MEFV: variants seen among roughly 807,000 people sequenced by gnomAD.
MEFV encodes pyrin.
In MEFV, 60 loss-of-function variants were observed where a neutral mutation model predicts 62.5. The ratio of observed to expected loss-of-function variants is 0.96; its 90% CI spans 0.78 to 1.19. MEFV has a LOEUF of 1.19. Ranked by LOEUF, MEFV falls within the 50% of genes most tolerant of loss-of-function variation. The probability of loss-of-function intolerance (pLI) is 0.00; values close to 1 mark genes in which losing one functional copy is unlikely to be tolerated. For synonymous variants in MEFV, 500 were observed against 415.2 expected (o/e 1.20, Z -2.48); for missense variants, 1,169 against 1,004.5 (o/e 1.16, Z -2.21).
chr16:3,242,759 T>G lies in MEFV; in HGVS notation c.*382A>C, dbSNP rs1958875129. 1 of 307,568 alleles carries G rather than the reference T, an allele frequency of 3.3e-6. No individual in the cohort carries two copies. The highest frequency in any genetic ancestry group is 3.1e-5 in the South Asian group (1 of 32,290). 19.1% of individuals were successfully genotyped at this position (307,568 alleles called of 1,614,324 possible). On this transcript the variant is annotated 3_prime_UTR_variant, in exon 10 of 10. Transcript: ENST00000219596. The stretch of plus-strand genomic sequence containing the variant: ...CCAGTCTGCTTGCGTTTCTCTAGGC[T>G]TCCCATATCCTCAAGACAGAAGCAG...
rs750501997 is a variant in MEFV at position 3,254,553 on chromosome 16, T to TG, written c.514dup (p.Gln172ProfsTer70). On this transcript the variant is annotated frameshift_variant, in exon 2 of 10. Transcript: ENST00000219596. LOFTEE classifies it high-confidence loss of function. ...CGGGCTCCGGGTCCGAGGCTTGCCC[T>TG]GCGCGTCCAGGCCCTCCGAGGCCTT... The TG allele has an allele frequency of 1.3e-6, 2 of 1,559,722 alleles. No homozygotes were observed. The highest frequency in any genetic ancestry group is 2.3e-5 in the South Asian group (2 of 86,916).
In MEFV at chr16:3,247,196, C is replaced by T. The variant is rs757268432; in HGVS notation, c.1407G>A (p.Val469=). 13 of 1,614,072 alleles carry T rather than the reference C, an allele frequency of 8.1e-6. No homozygotes were observed. In the Admixed American group the frequency reaches 1.0e-4, roughly 12 times the overall value. Residue 469 remains valine (V), a synonymous_variant, in exon 5 of 10, where the codon GTG becomes GTA. Coordinates refer to ENST00000219596, the MANE Select transcript of MEFV (RefSeq NM_000243.3). ...KQRVQRKLEQ[V]YYFLEQQEHF... ...GCTCTTGCTGCTCCAGGAAGTAGTACACCTGCTCCAGCTTCCTCTGCACCC... is the reference window on the plus strand; with the variant it reads ...GCTCTTGCTGCTCCAGGAAGTAGTATACCTGCTCCAGCTTCCTCTGCACCC...
intron 1 of MEFV, among the ~76,000 whole-genome samples, chr16:3,255,693 G>A (rs570129056): frequency 6.6e-6 from 1 of 152,036 alleles, no homozygotes; most frequent in Non-Finnish European, 1.5e-5. Flanking sequence ...TTATAAGTGT[G>A]AGCCACCATG....
At chr16:3,245,394 C>T (rs170385) in intron 6 of MEFV, among the ~76,000 whole-genome samples, 88,547 of 151,434 alleles carry the variant, frequency 0.58, 26,121 homozygotes, top group South Asian at 0.73. Flanking sequence ...GCAATCCCAG[C>T]GCTTTGGGAG....
Position 3,254,964 on chromosome 16 carries a change from G to T in MEFV, c.278-174C>A, listed in dbSNP as rs941015059. Among the ~76,000 whole-genome samples the T allele has an allele frequency of 5.3e-5, 8 of 152,234 alleles. No individual in the cohort carries two copies. The East Asian group carries it at 1.2e-3, about 22-fold the overall frequency. Reference sequence around the variant, plus strand: ...CCGGCACTCTGGGAGGCCGAGGCGGGAGGATCACCTGAGATCAGGAGTTCA... The same window carrying T: ...CCGGCACTCTGGGAGGCCGAGGCGGTAGGATCACCTGAGATCAGGAGTTCA... On this transcript the variant is annotated intron_variant, in intron 1 of 9. Transcript: ENST00000219596.
At position 3,249,625 on chromosome 16, in the gene MEFV, G is replaced by C. The variant is rs377754606; in HGVS notation, c.1066C>G (p.Gln356Glu). 6 of 1,613,864 alleles carry C rather than the reference G, an allele frequency of 3.7e-6. No individual in the cohort carries two copies. In the African/African-American group the frequency reaches 6.7e-5, roughly 18 times the overall value. Residue 356 changes from glutamine (Q) to glutamate (E), a missense_variant, in exon 3 of 10, where the codon CAG (glutamine) becomes GAG (glutamate). Transcript: ENST00000219596. ...GGGCTCTTCCTTTCATGGGAGTCCT[G>C]GCACCGGGGGCAGCCAGGTGAGCGG... is the stretch of plus-strand genomic sequence containing the variant. Reference protein sequence around the residue: ...GSRSPGCPRCQDSHERKSPGS... With the variant: ...GSRSPGCPRCEDSHERKSPGS...
chr16:3,250,344 C>T (rs1303989469), intron 2 of MEFV, among the ~76,000 whole-genome samples: 1 of 152,180 alleles, frequency 6.6e-6, no homozygotes, highest in African/African-American at 2.4e-5. Flanking sequence ...GGTGGTGGCT[C>T]ATGCCTATAA....
intron 6 of MEFV, among the ~76,000 whole-genome samples, chr16:3,246,095 G>T (rs1248875940): frequency 1.3e-5 from 2 of 152,164 alleles, no homozygotes; most frequent in African/African-American, 2.4e-5. Context: ...GCTCCCAGGT[G>T]ATTTTAAGGC....
chr16:3,255,114 C>T (rs774545214), intron 1 of MEFV, among the ~76,000 whole-genome samples: 1 of 152,108 alleles, frequency 6.6e-6, no homozygotes, highest in Non-Finnish European at 1.5e-5. Flanking sequence ...GTCAGGAGTT[C>T]GAGACCAGCC....
Position 3,247,018 on chromosome 16 carries a change from G to A in MEFV, c.1585C>T (p.Gln529Ter). The A allele has an allele frequency of 6.2e-7, 1 of 1,614,094 alleles. No individual in the cohort carries two copies. The highest frequency in any genetic ancestry group is 8.5e-7 in the Non-Finnish European group (1 of 1,179,930). ...KECQSEWELL[Q>*]DIGDILHRAK... ...AAGCCGGGCCCAGGCACACCCACCT[G>A]CAGAAGTTCCCATTCTGACTGGCAC... The change falls in exon 5 of 10, where the codon CAG becomes TAG. Residue 529 changes from glutamine (Q) to a stop codon, truncating the protein, a stop_gained and splice_region_variant. Transcript: ENST00000219596. LOFTEE classifies it high-confidence loss of function.
In MEFV at chr16:3,254,670, C is replaced by G. The variant is rs1959090017; in HGVS notation, c.398G>C (p.Arg133Pro). Residue 133 changes from arginine to proline, a missense_variant, in exon 2 of 10, where the codon CGG becomes CCG. Transcript: ENST00000219596. Reference sequence around the variant, plus strand: ...GCTGGCAGCTCCGCCCCCGTACGGCCGAGGGCCGTTCCCCTCGTTCCCCTC... The same window carrying G: ...GCTGGCAGCTCCGCCCCCGTACGGCGGAGGGCCGTTCCCCTCGTTCCCCTC... Reference protein sequence around the residue: ...HPEGNEGNGPRPYGGGAASLR... With the variant: ...HPEGNEGNGPPPYGGGAASLR... The G allele has an allele frequency of 6.2e-7, 1 of 1,611,874 alleles. No homozygotes were observed. The highest frequency in any genetic ancestry group is 1.1e-5 in the South Asian group (1 of 91,080).
rs961160439 is a variant in MEFV, at chr16:3,256,207, C to A, written c.277+104G>T. The stretch of plus-strand genomic sequence containing the variant: ...TCTGGATTTTGGTAGACCTGAGACT[C>A]CCAATCCCCAGGTCAGAGTGAGCTG... On this transcript the variant is annotated intron_variant, in intron 1 of 9. Transcript: ENST00000219596. The A allele has an allele frequency of 5.1e-6, 7 of 1,366,538 alleles. No homozygotes were observed. The African/African-American group carries it at 7.2e-5, about 14-fold the overall frequency. The allele number at this position is 1,366,538 out of a possible 1,614,324, so 84.7% of individuals were successfully genotyped here.
Position 3,243,868 on chromosome 16 carries a change from G to A in MEFV, c.1784C>T (p.Ala595Val), listed in dbSNP as rs104895191. The A allele has an allele frequency of 3.7e-6, 6 of 1,613,816 alleles. No individual in the cohort carries two copies. Among genetic ancestry groups the A allele is most frequent in the South Asian group, 1.1e-5 (1 of 91,090 alleles). ...TTGATCTGGGCACTTACCAGCATGTGCCTGAGCGCCAATCAGCTCCGGAAC... is the reference window on the plus strand; with the variant it reads ...TTGATCTGGGCACTTACCAGCATGTACCTGAGCGCCAATCAGCTCCGGAAC... ...FNVPELIGAQAHAVNVILDAE... is the reference protein window; with the variant it reads ...FNVPELIGAQVHAVNVILDAE... The change falls in exon 9 of 10, where the codon GCA (alanine) becomes GTA (valine). Residue 595 changes from alanine (A) to valine (V), a missense_variant. Transcript: ENST00000219596.
chr16:3,256,466 G>C lies in MEFV; in HGVS notation c.122C>G (p.Pro41Arg), dbSNP rs1596359900. The C allele has an allele frequency of 6.2e-7, 1 of 1,614,190 alleles. No individual in the cohort carries two copies. ...TSVQKEHSRI[P>R]RSQIQRARPV... ...CCTGGCTCTCTGGATCTGGCTCCGG[G>C]GGATCCTGGAGTGCTCCTTCTGCAC... is the stretch of plus-strand genomic sequence containing the variant. Residue 41 changes from proline to arginine, a missense_variant, in exon 1 of 10, where the codon CCC (proline) becomes CGC (arginine). Pro to Arg is a moderately radical substitution (Grantham distance 103). Transcript: ENST00000219596.
At position 3,247,248 on chromosome 16, in the gene MEFV, T is replaced by C; in HGVS notation, c.1357-2A>G. 3 of 1,613,944 alleles carry C rather than the reference T, an allele frequency of 1.9e-6. No individual in the cohort carries two copies. Among genetic ancestry groups the C allele is most frequent in the Admixed American group, 3.3e-5 (2 of 60,020 alleles). On this transcript the variant is annotated splice_acceptor_variant, in intron 4 of 9. Coordinates refer to ENST00000219596, the MANE Select transcript of MEFV (RefSeq NM_000243.3). LOFTEE classifies it high-confidence loss of function. ...CTGCTTCAGCGCTTCAGTTTGTTTC[T>C]GGGGAGCAGAGGACAGGGAGGTATG...
At chr16:3,255,748 A>C (rs1959107747) in intron 1 of MEFV, among the ~76,000 whole-genome samples, 1 of 152,116 alleles carries the variant, frequency 6.6e-6, no homozygotes, top group African/African-American at 2.4e-5. Flanking sequence ...CGTTTTAAGC[A>C]GGACAACTGT....
At chr16:3,254,046 A>T (rs2141676495) in intron 2 of MEFV, 112 bp downstream of exon 2, 1 of 1,224,958 alleles carries the variant, frequency 8.2e-7, no homozygotes, top group East Asian at 2.5e-5. Flanking sequence ...GGCCTCCAGC[A>T]ATCCTCCCGC....
intron 2 of MEFV, among the ~76,000 whole-genome samples, chr16:3,253,273 G>A (rs1959064071): frequency 6.6e-6 from 1 of 152,056 alleles, no homozygotes; most frequent in Non-Finnish European, 1.5e-5. Flanking sequence ...AAAGAAGATG[G>A]CCAGGGTTTT....
At chr16:3,249,072 G>A in intron 3 of MEFV, 68 bp from the exon 4 acceptor site, 1 of 1,460,802 alleles carries the variant, frequency 6.8e-7, no homozygotes, top group Non-Finnish European at 9.6e-7. Flanking sequence ...TGCCAACTCT[G>A]GAGGGGAACA....
Sources: gnomAD v4.1 joint callset for allele counts (sites outside exome capture counted in the v4.1 genomes callset) on GRCh38, gnomAD v4.1.1 for gene constraint, MANE v1.5 for transcripts, NCBI Gene and HGNC (gene_info 2026-07-23, HGNC 2026-07-21) for gene names.